ADAMTS6: variants seen among roughly 807,000 people sequenced by gnomAD.
ADAMTS6 encodes ADAM metallopeptidase with thrombospondin type 1 motif 6, also known as A disintegrin and metalloproteinase with thrombospondin motifs 6.
In ADAMTS6, 23 loss-of-function variants were observed where a neutral mutation model predicts 144.3. The ratio of observed to expected loss-of-function variants is 0.16; its 90% CI spans 0.11 to 0.23. ADAMTS6 has a LOEUF of 0.23. Ranked by LOEUF, ADAMTS6 falls within the 10% of genes least tolerant of loss-of-function variation. ADAMTS6 has a pLI of 1.00. For missense variants in ADAMTS6, 999 were observed against 1,379.6 expected (o/e 0.72, Z 4.37); for synonymous variants, 444 against 457.5 (o/e 0.97, Z 0.38).
In ADAMTS6 at chr5:65,258,312, T is replaced by C. The variant is rs541908472; in HGVS notation, c.1830+2288A>G. 1.1e-4 allele frequency among the ~76,000 whole-genome samples: 17 copies of C among 152,190 alleles called. No individual in the cohort carries two copies. The South Asian group carries it at 3.3e-3, about 30-fold the overall frequency. ...TACACAAGGCAAAGGGAATAGTCAC[T>C]GCAAAAGCCCGAAGGTAGGAGCATG... On this transcript the variant is annotated intron_variant, in intron 14 of 24. Transcript: ENST00000381055.
intron 14 of ADAMTS6, among the ~76,000 whole-genome samples, chr5:65,258,444 C>A (rs189880650): frequency 6.3e-4 from 95 of 151,912 alleles, no homozygotes; most frequent in Non-Finnish European, 1.1e-3. Context: ...ATTGTGTAGA[C>A]CTTGCAGGCC....
At chr5:65,171,639 G>A (rs973136257) in intron 23 of ADAMTS6, among the ~76,000 whole-genome samples, 8 of 152,052 alleles carry the variant, frequency 5.3e-5, no homozygotes, top group Non-Finnish European at 8.8e-5. Context: ...GGAGTGTCCT[G>A]TATGTGATTA....
chr5:65,391,064 G>C (rs989863308), intron 7 of ADAMTS6, among the ~76,000 whole-genome samples: 3 of 151,708 alleles, frequency 2.0e-5, no homozygotes, highest in Admixed American at 6.6e-5. Flanking sequence ...GAGACTATAG[G>C]CACACACCAC....
Position 65,425,807 on chromosome 5 carries a change from A to G in ADAMTS6, c.1073+25668T>C, listed in dbSNP as rs574198964. Reference sequence around the variant, plus strand: ...GAGACGGAGTCTCACTCTGTCCCCCAGGCTTGAGTGCAGTGGCGCGATGTC... The same window carrying G: ...GAGACGGAGTCTCACTCTGTCCCCCGGGCTTGAGTGCAGTGGCGCGATGTC... On this transcript the variant is annotated intron_variant, in intron 7 of 24. Coordinates refer to ENST00000381055, the MANE Select transcript of ADAMTS6 (RefSeq NM_197941.4). Among the ~76,000 whole-genome samples, 7 of 149,522 alleles carry G rather than the reference A, an allele frequency of 4.7e-5. No homozygotes were observed. The South Asian group carries it at 1.5e-3, about 32-fold the overall frequency.
intron 14 of ADAMTS6, among the ~76,000 whole-genome samples, chr5:65,254,177 C>T (rs1349767725): frequency 6.6e-6 from 1 of 151,938 alleles, no homozygotes; most frequent in East Asian, 1.9e-4. Flanking sequence ...ATCACCTCAC[C>T]TTTTATGATT....
chr5:65,232,353 A>G (rs189521286), intron 15 of ADAMTS6, among the ~76,000 whole-genome samples: 38 of 152,294 alleles, frequency 2.5e-4, no homozygotes, highest in Admixed American at 8.5e-4. Context: ...AAGGAAGGAA[A>G]TAACAAAGCT....
rs1194626577 is a variant in ADAMTS6 at position 65,150,413 on chromosome 5, G to A, written c.*1423C>T. 1 of 152,610 alleles carries A rather than the reference G, an allele frequency of 6.6e-6. No individual in the cohort carries two copies. Among genetic ancestry groups the A allele is most frequent in the African/African-American group, 2.4e-5 (1 of 41,428 alleles). The allele number at this position is 152,610 out of a possible 1,614,324, so 9.5% of individuals were successfully genotyped here. On this transcript the variant is annotated 3_prime_UTR_variant, in exon 25 of 25. Coordinates refer to ENST00000381055, the MANE Select transcript of ADAMTS6 (RefSeq NM_197941.4). ...TCGAGTCTTTTGATGACCAGGATGT[G>A]AAACTTGAAGATGGGGAAAATACGA...
At chr5:65,207,517 T>C (rs1182493563) in intron 20 of ADAMTS6, among the ~76,000 whole-genome samples, 5 of 152,202 alleles carry the variant, frequency 3.3e-5, no homozygotes, top group Non-Finnish European at 7.3e-5. Context: ...GGTTTCACTT[T>C]AAAGCCTAAG....
At chr5:65,302,410 C>T (rs1472060503) in intron 9 of ADAMTS6, among the ~76,000 whole-genome samples, 1 of 147,888 alleles carries the variant, frequency 6.8e-6, no homozygotes, top group Admixed American at 6.9e-5. Flanking sequence ...TTCTCCCAGC[C>T]CCATATATGT....
chr5:65,381,836 C>A (rs1405056983), intron 7 of ADAMTS6, among the ~76,000 whole-genome samples: 2 of 151,984 alleles, frequency 1.3e-5, no homozygotes, highest in Non-Finnish European at 1.5e-5. Context: ...CACATGATAT[C>A]TTTAACAATA....
At chr5:65,240,723 A>C (rs1384254154) in intron 15 of ADAMTS6, among the ~76,000 whole-genome samples, 1 of 152,134 alleles carries the variant, frequency 6.6e-6, no homozygotes, top group East Asian at 1.9e-4. Context: ...TTGATCTTGG[A>C]TTTCCAGCCC....
At position 65,378,906 on chromosome 5, in the gene ADAMTS6, C is replaced by T. The variant is rs574750572; in HGVS notation, c.1074-44821G>A. On this transcript the variant is annotated intron_variant, in intron 7 of 24. Coordinates refer to ENST00000381055, the MANE Select transcript of ADAMTS6 (RefSeq NM_197941.4). ...ACATAGTAATAAACTTCTGCATACA[C>T]TGATTAACAATAAAACAACTGGAGA... Among the ~76,000 whole-genome samples, 12 of 152,154 alleles carry T rather than the reference C, an allele frequency of 7.9e-5. 1 individual carries two copies. Among genetic ancestry groups the T allele is most frequent in the African/African-American group, 2.9e-4 (12 of 41,532 alleles).
At chr5:65,280,423 T>G (rs989425403) in intron 11 of ADAMTS6, among the ~76,000 whole-genome samples, 11 of 152,234 alleles carry the variant, frequency 7.2e-5, no homozygotes, top group African/African-American at 2.7e-4. Context: ...AAGAGCTTAG[T>G]GTTTTGGAAA....
intron 22 of ADAMTS6, among the ~76,000 whole-genome samples, chr5:65,182,424 A>G (rs1177154267): frequency 2.0e-5 from 3 of 147,964 alleles, no homozygotes; most frequent in African/African-American, 7.7e-5. Flanking sequence ...AGCCTGGGTG[A>G]CAGAGCGAGA....
At position 65,281,993 on chromosome 5, in the gene ADAMTS6, T is replaced by G. The variant is rs1763023323; in HGVS notation, c.1513-8546A>C. Among the ~76,000 whole-genome samples, 3 of 152,244 alleles carry G rather than the reference T, an allele frequency of 2.0e-5. No individual in the cohort carries two copies. In the South Asian group the frequency reaches 6.2e-4, roughly 32 times the overall value. Reference sequence around the variant, plus strand: ...ACCGAGGAAAATTAAAATTAGCAGCTTACACAAGGGGAGGAGGTGACATCA... The same window carrying G: ...ACCGAGGAAAATTAAAATTAGCAGCGTACACAAGGGGAGGAGGTGACATCA... On this transcript the variant is annotated intron_variant, in intron 11 of 24. Transcript: ENST00000381055.
Position 65,172,852 on chromosome 5 carries a change from C to G in ADAMTS6, c.3067G>C (p.Val1023Leu). 6.2e-7 allele frequency: 1 copy of G among 1,614,140 alleles called. No individual in the cohort carries two copies. The highest frequency in any genetic ancestry group is 8.5e-7 in the Non-Finnish European group (1 of 1,179,994). Residue 1023 changes from valine (V) to leucine (L), a missense_variant, in exon 23 of 25, where the codon GTC becomes CTC. Coordinates refer to ENST00000381055, the MANE Select transcript of ADAMTS6 (RefSeq NM_197941.4). ...CTTACCTGGCCCCAGTCTCCTGTGA[C>G]CCAGCGAGGAGGAGGGCAGCGGCCC... The part of the protein sequence containing the change: ...SLGRCPPPRW[V>L]TGDWGQCSAQ...
intron 7 of ADAMTS6, among the ~76,000 whole-genome samples, chr5:65,404,321 G>T (rs116824539): frequency 0.019 from 2,837 of 152,044 alleles, 78 homozygotes; most frequent in African/African-American, 0.065. Context: ...ACAGGCCCTG[G>T]TGTGTTATAT....
chr5:65,173,488 C>T (rs1232877045), intron 22 of ADAMTS6, among the ~76,000 whole-genome samples: 2 of 152,210 alleles, frequency 1.3e-5, no homozygotes, highest in African/African-American at 4.8e-5. Context: ...TACTTGGTCA[C>T]AGGTGAAGGT....
chr5:65,452,265 G>T, intron 5 of ADAMTS6, 49 bp from the exon 6 acceptor site: 1 of 1,552,024 alleles, frequency 6.4e-7, no homozygotes, highest in Non-Finnish European at 8.9e-7. Context: ...AAAAATTATA[G>T]GGTGATAGTT....
Sources: allele counts gnomAD v4.1 joint callset (sites outside exome capture counted in the v4.1 genomes callset), GRCh38; gene constraint gnomAD v4.1.1; transcripts MANE v1.5; gene names NCBI Gene and HGNC (gene_info 2026-07-23, HGNC 2026-07-21).